Variants in GPR35 observed in about 807,000 individuals in gnomAD.
GPR35 encodes G protein-coupled receptor 35.
For synonymous variants in GPR35, 207 were observed against 198.4 expected, an observed-to-expected ratio of 1.04 and a Z score of -0.36; for missense variants, 372 against 422.5, an observed-to-expected ratio of 0.88 and a Z score of 1.05.
chr2:240,626,745 C>A (rs1171363408), intron 1 of GPR35, among the ~76,000 whole-genome samples: 1 of 152,116 alleles, frequency 6.6e-6, no homozygotes, highest in Non-Finnish European at 1.5e-5. Context: ...GGTGCCTGGG[C>A]CACAGGGATC....
In GPR35 at chr2:240,630,132, C is replaced by T. The variant is rs1475500223; in HGVS notation, c.180C>T (p.Thr60=). The change falls in exon 2 of 2, where the codon ACC becomes ACT. Residue 60 remains threonine (T), a synonymous_variant. Coordinates refer to ENST00000407714, the MANE Select transcript of GPR35 (RefSeq NM_005301.5). ...QQWTETRIYM[T]NLAVADLCLL... is the part of the protein sequence containing the mutation. Reference sequence around the variant, plus strand: ...GGACGGAGACCCGCATCTACATGACCAACCTGGCGGTGGCCGACCTCTGCC... The same window carrying T: ...GGACGGAGACCCGCATCTACATGACTAACCTGGCGGTGGCCGACCTCTGCC... The T allele has an allele frequency of 1.2e-6, 2 of 1,604,512 alleles. No individual in the cohort carries two copies. Among genetic ancestry groups the T allele is most frequent in the Middle Eastern group, 1.7e-4 (1 of 6,054 alleles).
chr2:240,630,230 A>G lies in GPR35; in HGVS notation c.278A>G (p.Gln93Arg). Residue 93 changes from glutamine (Q) to arginine (R), a missense_variant, in exon 2 of 2, where the codon CAG becomes CGG. Coordinates refer to ENST00000407714, the MANE Select transcript of GPR35 (RefSeq NM_005301.5). ...TSDTPLCQLSQGIYLTNRYMS... is the reference protein window; with the variant it reads ...TSDTPLCQLSRGIYLTNRYMS... ...GACACGCCGCTGTGCCAGCTCTCCCAGGGCATCTACCTGACCAACAGGTAC... is the reference window on the plus strand; with the variant it reads ...GACACGCCGCTGTGCCAGCTCTCCCGGGGCATCTACCTGACCAACAGGTAC... 6.4e-7 allele frequency: 1 copy of G among 1,566,926 alleles called. No homozygotes were observed. Among genetic ancestry groups the G allele is most frequent in the Non-Finnish European group, 8.6e-7 (1 of 1,158,754 alleles).
chr2:240,606,578 T>C (rs2043136577), exon 2 of GPR35: 1 of 152,272 alleles, frequency 6.6e-6, no homozygotes, highest in Non-Finnish European at 1.5e-5. Flanking sequence ...CCCCATGGCA[T>C]GCATGATCCA....
intron 2 of GPR35, among the ~76,000 whole-genome samples, chr2:240,613,887 C>T (rs1276829217): frequency 1.3e-5 from 2 of 151,428 alleles, no homozygotes; most frequent in Non-Finnish European, 2.9e-5. Flanking sequence ...CAACCCAAAC[C>T]TTACCCCTAA....
intron 1 of GPR35, chr2:240,629,257 C>T (rs1272312558): frequency 6.6e-6 from 1 of 152,416 alleles, no homozygotes; most frequent in Non-Finnish European, 1.5e-5. Flanking sequence ...GCTCTGGCCC[C>T]TGGGAGCTCA....
At chr2:240,614,138 T>C (rs965808275) in intron 2 of GPR35, among the ~76,000 whole-genome samples, 2 of 151,840 alleles carry the variant, frequency 1.3e-5, no homozygotes, top group African/African-American at 4.8e-5. Context: ...ACACTAACCC[T>C]AGCCAAAACC....
chr2:240,609,171 T>C (rs1483518525), intron 2 of GPR35, among the ~76,000 whole-genome samples: 1 of 152,102 alleles, frequency 6.6e-6, no homozygotes, highest in Non-Finnish European at 1.5e-5. Context: ...AAATAACCAA[T>C]CTCCATTTTA....
intron 2 of GPR35, among the ~76,000 whole-genome samples, chr2:240,613,781 C>G (rs1031279255): frequency 2.7e-5 from 4 of 150,498 alleles, no homozygotes; most frequent in African/African-American, 9.8e-5. Context: ...TAACTCTAAC[C>G]CTAACCCTAA....
At chr2:240,607,961 A>G (rs1559431889) in intron 2 of GPR35, among the ~76,000 whole-genome samples, 1 of 151,898 alleles carries the variant, frequency 6.6e-6, no homozygotes, top group Non-Finnish European at 1.5e-5. Flanking sequence ...ATGCAATCTT[A>G]ACTCACTGTA....
rs1305797048 is a variant in GPR35, at chr2:240,630,547, G to T, written c.595G>T (p.Ala199Ser). Reference sequence around the variant, plus strand: ...CTCCCTGAAGGTGGTGACTGCCCTGGCCCAGAGGCCACCCACCGACGTGGG... The same window carrying T: ...CTCCCTGAAGGTGGTGACTGCCCTGTCCCAGAGGCCACCCACCGACGTGGG... ...FCSLKVVTAL[A>S]QRPPTDVGQA... Residue 199 changes from alanine (A) to serine (S), a missense_variant, in exon 2 of 2, where the codon GCC becomes TCC. Ala to Ser is a moderately conservative substitution (Grantham distance 99, BLOSUM62 1). Transcript: ENST00000407714. The T allele has an allele frequency of 6.2e-7, 1 of 1,612,834 alleles. No individual in the cohort carries two copies. The highest frequency in any genetic ancestry group is 1.7e-5 in the Admixed American group (1 of 60,026).
At chr2:240,610,290 C>G (rs11688059) in intron 2 of GPR35, among the ~76,000 whole-genome samples, 1 of 152,232 alleles carries the variant, frequency 6.6e-6, no homozygotes, top group South Asian at 2.1e-4. Flanking sequence ...TTGCAATATT[C>G]CCTATACTAA....
At chr2:240,611,045 G>C (rs1486000532) in intron 2 of GPR35, among the ~76,000 whole-genome samples, 1 of 152,140 alleles carries the variant, frequency 6.6e-6, no homozygotes, top group Admixed American at 6.5e-5. Flanking sequence ...TGATTCTCAT[G>C]CCTCAGCCTC....
upstream of GPR35, among the ~76,000 whole-genome samples, chr2:240,623,555 G>A (rs191239935): frequency 7.5e-4 from 114 of 152,022 alleles, no homozygotes; most frequent in African/African-American, 1.1e-3. Flanking sequence ...GGGGGTGAGC[G>A]GGGAGCTAGG....
rs535651517 is a variant in GPR35, at chr2:240,612,386, C to A, written c.-576-4002C>A. Among the ~76,000 whole-genome samples the A allele has an allele frequency of 2.1e-5, 3 of 144,576 alleles. No individual in the cohort carries two copies. In the South Asian group the frequency reaches 6.7e-4, roughly 32 times the overall value. The allele number at this position is 144,576 out of a possible 152,430, so 94.8% of individuals were successfully genotyped here. A position where few individuals can be genotyped will look rare whatever the true frequency, so the allele number is the denominator to read the frequency against. On this transcript the variant is annotated intron_variant, in intron 2 of 5. Transcript: ENST00000319838. Reference sequence around the variant, plus strand: ...AGCTTGAAGTGAGTGGAGATCACGCCACTGCACTCCAGCCTGGGCGACAGA... The same window carrying A: ...AGCTTGAAGTGAGTGGAGATCACGCAACTGCACTCCAGCCTGGGCGACAGA...
intron 1 of GPR35, among the ~76,000 whole-genome samples, chr2:240,626,356 C>CGGGGTCTCAGAGTCGGGTGAGGCTCTGAT (rs2043377700): frequency 2.1e-5 from 1 of 46,864 alleles, no homozygotes; most frequent in Non-Finnish European, 4.1e-5. Context: ...GAGGCTGTGA[C>CGGGGTCTCAGAGTCGGGTGAGGCTCTGAT]GGGGTCTCAG....
chr2:240,628,301 G>C (rs1036023893), intron 1 of GPR35: 31 of 152,222 alleles, frequency 2.0e-4, no homozygotes, highest in African/African-American at 7.0e-4. Flanking sequence ...CCTGGCTCAG[G>C]GTCCCTCCAA....
chr2:240,613,127 G>C (rs1308843014), intron 2 of GPR35, among the ~76,000 whole-genome samples: 2 of 152,212 alleles, frequency 1.3e-5, no homozygotes, highest in African/African-American at 4.8e-5. Flanking sequence ...GACCAGCTGG[G>C]ATGCTCAGTA....
In GPR35 at chr2:240,630,328, G is replaced by GGCTGCGGTCCCCCAGGCA; in HGVS notation, c.377_378insCTGCGGTCCCCCAGGCAG (p.Gly126_Leu127insCysGlyProProGlyArg). The GGCTGCGGTCCCCCAGGCA allele has an allele frequency of 1.3e-6, 2 of 1,594,474 alleles. No homozygotes were observed. Among genetic ancestry groups the GGCTGCGGTCCCCCAGGCA allele is most frequent in the Non-Finnish European group, 1.7e-6 (2 of 1,173,964 alleles). ...CGTGCGGCACCCGCTGCGTGCCCGC[G>GGCTGCGGTCCCCCAGGCA]GGCTGCGGTCCCCCAGGCAGGCTGC... On this transcript the variant is annotated inframe_insertion, in exon 2 of 2. Coordinates refer to ENST00000407714, the MANE Select transcript of GPR35 (RefSeq NM_005301.5).
intron 2 of GPR35, among the ~76,000 whole-genome samples, chr2:240,616,076 C>A (rs1211766590): frequency 6.6e-6 from 1 of 151,584 alleles, no homozygotes; most frequent in Non-Finnish European, 1.5e-5. Context: ...GTTCCCCAGG[C>A]CAGATCCTTT....
Sources: allele counts gnomAD v4.1 joint callset (sites outside exome capture counted in the v4.1 genomes callset), GRCh38; gene constraint gnomAD v4.1.1; transcripts MANE v1.5; gene names NCBI Gene and HGNC (gene_info 2026-07-23, HGNC 2026-07-21).